Variants in AGMO observed in about 807,000 individuals in gnomAD.
The protein encoded by AGMO is alkylglycerol monooxygenase, also known as glyceryl-ether monooxygenase.
AGMO carries 75 observed loss-of-function variants against 60.2 expected under a neutral mutation model. That is an observed-to-expected ratio of 1.25 (90% CI 1.03 to 1.51). AGMO has a LOEUF of 1.51. Ranked by LOEUF, AGMO falls within the 40% of genes most tolerant of loss-of-function variation. The probability of loss-of-function intolerance (pLI) is 0.00; values close to 1 mark genes in which losing one functional copy is unlikely to be tolerated. For synonymous variants in AGMO, 261 were observed against 177.1 expected (o/e 1.47, Z -3.76); for missense variants, 763 against 525.5 (o/e 1.45, Z -4.42).
rs143289197 is a variant in AGMO, at chr7:15,389,952, T to C, written c.822+719A>G. ...GACCCAACATGAGCCAGTAAGTTCC[T>C]CACTTACCGAATGTTGTAACCAGTC... is the stretch of plus-strand genomic sequence containing the variant. On this transcript the variant is annotated intron_variant, in intron 8 of 12. Coordinates refer to ENST00000342526, the MANE Select transcript of AGMO (RefSeq NM_001004320.2). Among the ~76,000 whole-genome samples, 5 of 152,280 alleles carry C rather than the reference T, an allele frequency of 3.3e-5. No homozygotes were observed. The East Asian group carries it at 9.7e-4, about 29-fold the overall frequency.
intron 3 of AGMO, among the ~76,000 whole-genome samples, chr7:15,511,999 A>G (rs564974617): frequency 1.6e-5 from 2 of 127,286 alleles, no homozygotes; most frequent in Non-Finnish European, 3.4e-5. Context: ...TCTTTAAGCC[A>G]AGAGAATACA....
At chr7:15,292,652 TAAAA>T (rs767549323) in intron 12 of AGMO, among the ~76,000 whole-genome samples, 5 of 146,698 alleles carry the variant, frequency 3.4e-5, no homozygotes, top group Non-Finnish European at 4.5e-5. Context: ...ACGGACAAAA[TAAAA>T]AGAAAGACAA....
chr7:15,348,861 A>G (rs934213201), intron 12 of AGMO, among the ~76,000 whole-genome samples: 1 of 152,100 alleles, frequency 6.6e-6, no homozygotes, highest in Non-Finnish European at 1.5e-5. Flanking sequence ...AATATTTAGC[A>G]AACTGAAAAA....
chr7:15,547,282 A>G (rs1784807381), intron 2 of AGMO, among the ~76,000 whole-genome samples: 1 of 152,136 alleles, frequency 6.6e-6, no homozygotes. Flanking sequence ...GCCTTGAAAC[A>G]ACTGATCTGG....
At chr7:15,361,276 TG>T (rs959174082) in intron 12 of AGMO, among the ~76,000 whole-genome samples, 44 of 148,650 alleles carry the variant, frequency 3.0e-4, no homozygotes, top group African/African-American at 1.1e-3. Context: ...TGAACTTAGT[TG>T]AAAAAAAAAA....
At chr7:15,399,309 A>G (rs1252561512) in intron 5 of AGMO, among the ~76,000 whole-genome samples, 2 of 152,174 alleles carry the variant, frequency 1.3e-5, no homozygotes, top group African/African-American at 2.4e-5. Flanking sequence ...TACAATTTCT[A>G]TTATATACTG....
intron 10 of AGMO, among the ~76,000 whole-genome samples, chr7:15,379,620 C>A (rs1783597507): frequency 6.6e-6 from 1 of 152,010 alleles, no homozygotes; most frequent in South Asian, 2.1e-4. Context: ...AATAACCTAC[C>A]AATCAACAAA....
In AGMO at chr7:15,322,692, ATGAATATG is replaced by A. The variant is rs1440586922; in HGVS notation, c.1263+42814_1263+42821del. 1.9e-4 allele frequency among the ~76,000 whole-genome samples: 11 copies of A among 56,822 alleles called. 2 individuals carry two copies. Among genetic ancestry groups the A allele is most frequent in the African/African-American group, 1.3e-3 (11 of 8,362 alleles). 37.3% of individuals were successfully genotyped at this position (56,822 alleles called of 152,430 possible). ...TATAAATATATGTATATATAAATAT[ATGAATATG>A]TATAAATATATATAAATATATAAAT... On this transcript the variant is annotated intron_variant, in intron 12 of 12. Transcript: ENST00000342526.
intron 3 of AGMO, among the ~76,000 whole-genome samples, chr7:15,524,819 G>A (rs1005539625): frequency 2.7e-5 from 4 of 147,724 alleles, no homozygotes; most frequent in South Asian, 2.1e-4. Flanking sequence ...CTGAGATCAC[G>A]CCATTGCACT....
chr7:15,496,610 A>T (rs1783239907), intron 3 of AGMO, among the ~76,000 whole-genome samples: 1 of 152,174 alleles, frequency 6.6e-6, no homozygotes, highest in South Asian at 2.1e-4. Context: ...GGGCAAATGA[A>T]CAGATATGAA....
the AGMO span, among the ~76,000 whole-genome samples, chr7:15,181,337 C>T: frequency 6.6e-6 from 1 of 152,142 alleles, no homozygotes; most frequent in African/African-American, 2.4e-5. Context: ...TTTATTCCTA[C>T]TTCCTATTTC....
rs563159998 is a variant in AGMO at position 15,360,341 on chromosome 7, C to A, written c.1263+5173G>T. On this transcript the variant is annotated intron_variant, in intron 12 of 12. Transcript: ENST00000342526. ...TAGTGGGGCCAACCCCCCGTGCGGT[C>A]AAAAATTTGCCTATAACTTTCACCT... is the stretch of plus-strand genomic sequence containing the variant. Among the ~76,000 whole-genome samples the A allele has an allele frequency of 1.2e-4, 19 of 152,218 alleles. 1 individual carries two copies. Among genetic ancestry groups the A allele is most frequent in the Admixed American group, 1.2e-3 (18 of 15,292 alleles).
the AGMO span, among the ~76,000 whole-genome samples, chr7:15,119,993 C>A: frequency 1.3e-5 from 2 of 150,738 alleles, no homozygotes; most frequent in African/African-American, 2.4e-5. Context: ...TCCTGGATCG[C>A]CTACTTAAGA....
At chr7:15,432,055 A>G (rs1323828251) in intron 3 of AGMO, among the ~76,000 whole-genome samples, 1 of 151,756 alleles carries the variant, frequency 6.6e-6, no homozygotes, top group Non-Finnish European at 1.5e-5. Context: ...ATCTGTTCTT[A>G]GCTAAAGTAA....
intron 4 of AGMO, among the ~76,000 whole-genome samples, chr7:15,430,736 A>T (rs1006678014): frequency 9.2e-5 from 14 of 151,496 alleles, no homozygotes; most frequent in African/African-American, 3.4e-4. Context: ...ACAGTAAATT[A>T]AAAAATAGCC....
intron 12 of AGMO, among the ~76,000 whole-genome samples, chr7:15,364,661 G>T (rs1330157266): frequency 6.6e-6 from 1 of 151,894 alleles, no homozygotes; most frequent in Non-Finnish European, 1.5e-5. Flanking sequence ...CGGGTTAACG[G>T]GTATGTGTAT....
At chr7:15,488,527 T>C (rs1287843296) in intron 3 of AGMO, among the ~76,000 whole-genome samples, 1 of 152,160 alleles carries the variant, frequency 6.6e-6, no homozygotes, top group Non-Finnish European at 1.5e-5. Context: ...TTATGGAGCA[T>C]ATAACATAAA....
chr7:15,393,804 T>A (rs1341039565), intron 6 of AGMO, among the ~76,000 whole-genome samples: 1 of 152,172 alleles, frequency 6.6e-6, no homozygotes, highest in Admixed American at 6.5e-5. Context: ...CAGAATCCTT[T>A]AAAACATAAA....
At chr7:15,313,265 A>G (rs1210755998) in intron 12 of AGMO, among the ~76,000 whole-genome samples, 3 of 152,200 alleles carry the variant, frequency 2.0e-5, no homozygotes, top group Non-Finnish European at 2.9e-5. Flanking sequence ...TTGACTTTCT[A>G]TTAACTATAT....
Sources: allele counts gnomAD v4.1 joint callset (sites outside exome capture counted in the v4.1 genomes callset), GRCh38; gene constraint gnomAD v4.1.1; transcripts MANE v1.5; gene names NCBI Gene and HGNC (gene_info 2026-07-23, HGNC 2026-07-21).